The following JARID2 variants were observed in gnomAD, a reference collection of about 807,000 sequenced individuals.
JARID2 encodes jumonji and AT-rich interaction domain containing 2.
A neutral mutation model predicts 125.6 loss-of-function variants in JARID2; 21 were observed. That is an observed-to-expected ratio of 0.17 (90% CI 0.12 to 0.24). The LOEUF (loss-of-function observed/expected upper bound fraction) is 0.24, where lower values mean the gene tolerates loss of function less well. Ranked by LOEUF, JARID2 falls within the 10% of genes least tolerant of loss-of-function variation. The pLI is 1.00. For synonymous variants in JARID2, 736 were observed against 661.6 expected (o/e 1.11, Z -1.73); for missense variants, 1,303 against 1,639.6 (o/e 0.79, Z 3.55).
At chr6:15,282,885 G>A (rs12194290) in intron 1 of JARID2, among the ~76,000 whole-genome samples, 1,709 of 152,294 alleles carry the variant, frequency 0.011, 24 homozygotes, top group South Asian at 0.049. Context: ...ACAGGCGTGA[G>A]CCACCCCGCC....
intron 3 of JARID2, among the ~76,000 whole-genome samples, chr6:15,419,654 GT>G (rs1766397043): frequency 6.6e-6 from 1 of 152,068 alleles, no homozygotes; most frequent in Non-Finnish European, 1.5e-5. Flanking sequence ...TTTTTGCTGG[GT>G]ATAAAATTTT....
At chr6:15,470,897 A>G (rs1200493545) in intron 5 of JARID2, among the ~76,000 whole-genome samples, 1 of 152,232 alleles carries the variant, frequency 6.6e-6, no homozygotes, top group Non-Finnish European at 1.5e-5. Context: ...GGTGACCTGG[A>G]AAGACCTGGG....
chr6:15,434,009 T>A (rs1767093761), intron 3 of JARID2, among the ~76,000 whole-genome samples: 1 of 151,480 alleles, frequency 6.6e-6, no homozygotes, highest in African/African-American at 2.4e-5. Flanking sequence ...TATGTGCCAG[T>A]GTACTTTACT....
intron 1 of JARID2, among the ~76,000 whole-genome samples, chr6:15,345,700 G>C (rs188753941): frequency 1.3e-5 from 2 of 152,186 alleles, no homozygotes; most frequent in Admixed American, 1.3e-4. Flanking sequence ...TACCGATTTT[G>C]ACTTTATTCC....
At chr6:15,454,008 A>G (rs1383604343) in intron 4 of JARID2, among the ~76,000 whole-genome samples, 2 of 152,324 alleles carry the variant, frequency 1.3e-5, no homozygotes, top group East Asian at 1.9e-4. Context: ...ATAAGGGTCT[A>G]TCCGAAGTTC....
Position 15,246,303 on chromosome 6 carries a change from T to C in JARID2, c.-237T>C. 1.7e-6 allele frequency: 1 copy of C among 572,910 alleles called. No homozygotes were observed. Among genetic ancestry groups the C allele is most frequent in the South Asian group, 2.2e-5 (1 of 45,490 alleles). The allele number at this position is 572,910 out of a possible 1,614,324, so 35.5% of individuals were successfully genotyped here. On this transcript the variant is annotated 5_prime_UTR_variant, in exon 1 of 18. Transcript: ENST00000341776. ...AAATTTTCCATTATGAGTGTTTTAC[T>C]AAAGTGAATTTTTTTTTGTTTGCTT... is the stretch of plus-strand genomic sequence containing the variant.
At chr6:15,416,861 C>T (rs1297535720) in intron 3 of JARID2, among the ~76,000 whole-genome samples, 1 of 152,156 alleles carries the variant, frequency 6.6e-6, no homozygotes, top group East Asian at 1.9e-4. Flanking sequence ...CTCAGTTCTT[C>T]TTGTAAAGTG....
intron 1 of JARID2, among the ~76,000 whole-genome samples, chr6:15,307,316 G>A (rs754888950): frequency 6.6e-6 from 1 of 151,880 alleles, no homozygotes; most frequent in African/African-American, 2.4e-5. Flanking sequence ...CTGCACCCCC[G>A]GATTCAGGTG....
chr6:15,384,073 C>T lies in JARID2; in HGVS notation c.181+9821C>T, dbSNP rs192128464. On this transcript the variant is annotated intron_variant, in intron 2 of 17. Coordinates refer to ENST00000341776, the MANE Select transcript of JARID2 (RefSeq NM_004973.4). ...CCTCCCAAAGTGCTGGGATTATAGG[C>T]GTGAGCCACCGTGCCCAACCTATTT... 3.3e-5 allele frequency among the ~76,000 whole-genome samples: 5 copies of T among 152,290 alleles called. No homozygotes were observed. The East Asian group carries it at 9.7e-4, about 29-fold the overall frequency.
chr6:15,373,898 C>T (rs936910066), intron 1 of JARID2, among the ~76,000 whole-genome samples: 1 of 152,116 alleles, frequency 6.6e-6, no homozygotes, highest in African/African-American at 2.4e-5. Context: ...TTGTGTGTTG[C>T]TTTCATTCTT....
chr6:15,285,645 T>C (rs2127386346), intron 1 of JARID2, among the ~76,000 whole-genome samples: 1 of 152,298 alleles, frequency 6.6e-6, no homozygotes, highest in East Asian at 1.9e-4. Context: ...TTGAAATTGC[T>C]TTTTATTCCT....
At chr6:15,416,933 T>G (rs1170779072) in intron 3 of JARID2, among the ~76,000 whole-genome samples, 1 of 152,104 alleles carries the variant, frequency 6.6e-6, no homozygotes, top group East Asian at 1.9e-4. Context: ...TTTTGGTCAT[T>G]TGGGTGTGGA....
intron 5 of JARID2, among the ~76,000 whole-genome samples, chr6:15,479,684 T>C (rs1301907613): frequency 6.6e-6 from 1 of 152,200 alleles, no homozygotes; most frequent in African/African-American, 2.4e-5. Flanking sequence ...CTTATGATAC[T>C]GGAGTTTCGG....
chr6:15,278,875 C>G (rs530452351), intron 1 of JARID2, among the ~76,000 whole-genome samples: 1 of 152,260 alleles, frequency 6.6e-6, no homozygotes, highest in East Asian at 1.9e-4. Flanking sequence ...TCGAGATTAG[C>G]CTGGCCAACA....
intron 9 of JARID2, among the ~76,000 whole-genome samples, chr6:15,506,354 T>C (rs1482184396): frequency 6.6e-6 from 1 of 152,230 alleles, no homozygotes; most frequent in Non-Finnish European, 1.5e-5. Flanking sequence ...GTTCTTGATT[T>C]GTGGAGCTTG....
chr6:15,430,165 T>C (rs1766909636), intron 3 of JARID2, among the ~76,000 whole-genome samples: 1 of 152,242 alleles, frequency 6.6e-6, no homozygotes, highest in Non-Finnish European at 1.5e-5. Context: ...TAATGTCTTA[T>C]AAGGATGCCA....
intron 4 of JARID2, among the ~76,000 whole-genome samples, chr6:15,464,803 A>G (rs184398231): frequency 4.9e-4 from 74 of 152,250 alleles, no homozygotes; most frequent in Admixed American, 1.4e-3. Flanking sequence ...CTTTACCTTT[A>G]GATCCAGACC....
At position 15,493,078 on chromosome 6, in the gene JARID2, C is replaced by T. The variant is rs373759451; in HGVS notation, c.907-3054C>T. On this transcript the variant is annotated intron_variant, in intron 6 of 17. Coordinates refer to ENST00000341776, the MANE Select transcript of JARID2 (RefSeq NM_004973.4). ...TCAGCTGTGTTGAAAATTTACTTCC[C>T]TGTAGCATTGCTAGCCATGAACTCA... 3.9e-5 allele frequency among the ~76,000 whole-genome samples: 6 copies of T among 152,106 alleles called. No individual in the cohort carries two copies. The South Asian group carries it at 1.2e-3, about 32-fold the overall frequency.
chr6:15,283,629 A>G (rs1370265329), intron 1 of JARID2, among the ~76,000 whole-genome samples: 32 of 151,246 alleles, frequency 2.1e-4, no homozygotes, highest in Non-Finnish European at 8.8e-5. Flanking sequence ...GGCGTGAGCC[A>G]CCGTGCCCGG....
Sources: allele counts gnomAD v4.1 joint callset (sites outside exome capture counted in the v4.1 genomes callset), GRCh38; gene constraint gnomAD v4.1.1; transcripts MANE v1.5; gene names NCBI Gene and HGNC (gene_info 2026-07-23, HGNC 2026-07-21).